DIP2B: variants seen among roughly 807,000 people sequenced by gnomAD.
DIP2B encodes the protein DIP2 acetate--CoA ligase B (putative), also known as disco-interacting protein 2 homolog B.
A neutral mutation model predicts 198.0 loss-of-function variants in DIP2B; 76 were observed. The ratio of observed to expected loss-of-function variants is 0.38; its 90% CI spans 0.32 to 0.46. The LOEUF (loss-of-function observed/expected upper bound fraction) is 0.46. Among genes scored for constraint, DIP2B ranks in the 20% least tolerant of loss-of-function variants. The probability of loss-of-function intolerance (pLI) is 0.99; values close to 1 mark genes in which losing one functional copy is unlikely to be tolerated. For synonymous variants in DIP2B, 701 were observed against 739.1 expected (o/e 0.95, Z 0.84); for missense variants, 1,559 against 1,978.4 (o/e 0.79, Z 4.02).
At chr12:50,684,110 C>T (rs148402839) in intron 10 of DIP2B, among the ~76,000 whole-genome samples, 1 of 152,240 alleles carries the variant, frequency 6.6e-6, no homozygotes, top group Non-Finnish European at 1.5e-5. Context: ...AAGCAAGACT[C>T]TGTTTCAGAA....
intron 3 of DIP2B, among the ~76,000 whole-genome samples, chr12:50,650,977 T>C (rs1454986207): frequency 3.3e-5 from 5 of 152,242 alleles, no homozygotes; most frequent in Admixed American, 6.5e-5. Flanking sequence ...ACGTATTTTC[T>C]GATTTTTTGA....
chr12:50,680,840 T>C, intron 9 of DIP2B, 77 bp downstream of exon 9: 1 of 1,325,914 alleles, frequency 7.5e-7, no homozygotes, highest in Non-Finnish European at 1.1e-6. Context: ...TATTCTGGAG[T>C]TTTCATATAC....
intron 4 of DIP2B, among the ~76,000 whole-genome samples, chr12:50,666,972 C>T (rs572433879): frequency 1.1e-4 from 17 of 152,272 alleles, no homozygotes; most frequent in Non-Finnish European, 1.9e-4. Context: ...TTAGCAAATT[C>T]CTGGGCTCAG....
At chr12:50,531,533 G>A (rs1328448556) in intron 1 of DIP2B, among the ~76,000 whole-genome samples, 1 of 152,208 alleles carries the variant, frequency 6.6e-6, no homozygotes, top group Admixed American at 6.5e-5. Context: ...CTAGGACTGA[G>A]AAAATGCAAT....
chr12:50,680,590 C>G (rs1275395827), intron 8 of DIP2B, 82 bp from the exon 9 acceptor site: 4 of 1,309,168 alleles, frequency 3.1e-6, no homozygotes, highest in East Asian at 4.6e-5. Flanking sequence ...ATTAACTACA[C>G]TGATGATCTG....
chr12:50,646,273 G>GC (rs1239800853), intron 3 of DIP2B, among the ~76,000 whole-genome samples: 5 of 148,774 alleles, frequency 3.4e-5, no homozygotes, highest in Admixed American at 6.7e-5. Context: ...ACAGGCACGT[G>GC]CCACCACACC....
chr12:50,677,273 T>C (rs1288531734), intron 7 of DIP2B, among the ~76,000 whole-genome samples: 17 of 152,138 alleles, frequency 1.1e-4, no homozygotes, highest in Admixed American at 1.1e-3. Flanking sequence ...TGTCCCCTGG[T>C]GCACTCTATC....
At chr12:50,662,507 G>A (rs1190113339) in intron 4 of DIP2B, among the ~76,000 whole-genome samples, 2 of 152,190 alleles carry the variant, frequency 1.3e-5, no homozygotes, top group South Asian at 2.1e-4. Flanking sequence ...TTTCATTTTA[G>A]GGAGTAGAAT....
Position 50,508,745 on chromosome 12 carries a change from G to T in DIP2B, c.100+3505G>T, listed in dbSNP as rs118157236. ...TTTTTGCGATGGAGTTTCTCTTGTT[G>T]CCCAGGCTGGAGTGAAATGGTGCGA... is the stretch of plus-strand genomic sequence containing the variant. On this transcript the variant is annotated intron_variant, in intron 1 of 37. Transcript: ENST00000301180. 2.1e-3 allele frequency among the ~76,000 whole-genome samples: 296 copies of T among 144,096 alleles called. 1 individual carries two copies. Among genetic ancestry groups the T allele is most frequent in the Non-Finnish European group, 2.1e-3 (140 of 66,538 alleles). 94.5% of individuals were successfully genotyped at this position (144,096 alleles called of 152,430 possible). A position where few individuals can be genotyped will look rare whatever the true frequency, so the allele number is the denominator to read the frequency against.
chr12:50,591,440 T>C (rs949684917), intron 1 of DIP2B, among the ~76,000 whole-genome samples: 3 of 151,948 alleles, frequency 2.0e-5, no homozygotes, highest in Admixed American at 2.0e-4. Flanking sequence ...TTATGCATGA[T>C]AATTTTTTTT....
intron 1 of DIP2B, among the ~76,000 whole-genome samples, chr12:50,607,992 C>A (rs1449331637): frequency 6.6e-6 from 1 of 152,094 alleles, no homozygotes; most frequent in Non-Finnish European, 1.5e-5. Flanking sequence ...AGGTTTTTAC[C>A]ATGTTGGCCA....
intron 1 of DIP2B, among the ~76,000 whole-genome samples, chr12:50,622,867 C>T (rs888203400): frequency 6.6e-6 from 1 of 151,972 alleles, no homozygotes; most frequent in Non-Finnish European, 1.5e-5. Flanking sequence ...GTGCCTCGGC[C>T]TCCCAAAGTG....
Position 50,745,244 on chromosome 12 carries a change from G to A in DIP2B, c.*405G>A, listed in dbSNP as rs886437214. The A allele has an allele frequency of 6.8e-5, 13 of 191,006 alleles. No homozygotes were observed. Among genetic ancestry groups the A allele is most frequent in the South Asian group, 5.9e-4 (6 of 10,200 alleles). 11.8% of individuals were successfully genotyped at this position (191,006 alleles called of 1,614,324 possible). ...CCGTACTGTATTTTGCCATTCTGCC[G>A]TAGCTAGATGTTCTGTGGGGTTTGT... On this transcript the variant is annotated 3_prime_UTR_variant, in exon 38 of 38. Transcript: ENST00000301180.
intron 4 of DIP2B, among the ~76,000 whole-genome samples, chr12:50,668,286 A>G (rs188819975): frequency 9.2e-5 from 14 of 152,200 alleles, no homozygotes; most frequent in Non-Finnish European, 1.8e-4. Context: ...ATTCCTACCA[A>G]CTACTGTAGT....
intron 3 of DIP2B, among the ~76,000 whole-genome samples, chr12:50,643,792 C>T (rs1220336119): frequency 6.6e-6 from 1 of 152,044 alleles, no homozygotes; most frequent in Non-Finnish European, 1.5e-5. Flanking sequence ...TGAGAAGAGA[C>T]CCGCAGCCCC....
intron 5 of DIP2B, among the ~76,000 whole-genome samples, chr12:50,671,892 G>A (rs1226044744): frequency 4.6e-5 from 7 of 152,184 alleles, no homozygotes; most frequent in Non-Finnish European, 8.8e-5. Context: ...GAGTGTGCAG[G>A]CCGAGGATAT....
At chr12:50,665,866 A>C (rs1308482941) in intron 4 of DIP2B, among the ~76,000 whole-genome samples, 1 of 152,110 alleles carries the variant, frequency 6.6e-6, no homozygotes, top group Non-Finnish European at 1.5e-5. Context: ...AAATTAAATA[A>C]CTGTTGTCTT....
intron 2 of DIP2B, 25 bp from the exon 3 acceptor site, chr12:50,640,699 C>A (rs200351504): frequency 1.1e-5 from 18 of 1,609,980 alleles, no homozygotes; most frequent in Non-Finnish European, 1.4e-5. Context: ...TACTGGATAA[C>A]CATCTTTTAA....
intron 7 of DIP2B, among the ~76,000 whole-genome samples, chr12:50,677,610 G>A (rs113816124): frequency 0.017 from 2,567 of 152,230 alleles, 23 homozygotes; most frequent in Non-Finnish European, 0.024. Flanking sequence ...GCAAGACTCT[G>A]TCGTGGGGGT....
Sources: allele counts gnomAD v4.1 joint callset (sites outside exome capture counted in the v4.1 genomes callset), GRCh38; gene constraint gnomAD v4.1.1; transcripts MANE v1.5; gene names NCBI Gene and HGNC (gene_info 2026-07-23, HGNC 2026-07-21).